The following NOTCH2NLC variants were observed in gnomAD, a reference collection of about 807,000 sequenced individuals.
NOTCH2NLC encodes notch homolog 2 N-terminal-like protein C.
In NOTCH2NLC, 4 loss-of-function variants were observed where a neutral mutation model predicts 17.7. The ratio of observed to expected loss-of-function variants is 0.23; its 90% CI spans 0.11 to 0.52. NOTCH2NLC has a LOEUF of 0.52. Ranked by LOEUF, NOTCH2NLC falls within the 20% of genes least tolerant of loss-of-function variation. The pLI, the probability that NOTCH2NLC is intolerant of heterozygous loss-of-function variation, is 0.96. For synonymous variants in NOTCH2NLC, 18 were observed against 86.0 expected (o/e 0.21, Z 4.38); for missense variants, 57 against 207.2 (o/e 0.28, Z 4.45).
chr1:149,462,025 T>C (rs1273522952), intron 3 of NOTCH2NLC, among the ~76,000 whole-genome samples: 5 of 134,236 alleles, frequency 3.7e-5, no homozygotes, highest in Admixed American at 7.5e-5. Flanking sequence ...GAGATGTACC[T>C]AATGTAAATG....
intron 1 of NOTCH2NLC, among the ~76,000 whole-genome samples, chr1:149,427,010 T>G (rs1327029340): frequency 6.7e-6 from 1 of 149,820 alleles, no homozygotes; most frequent in Non-Finnish European, 1.5e-5. Flanking sequence ...TTTTCTTTTT[T>G]AAAAATTAGA....
rs1407883531 is a variant in NOTCH2NLC, at chr1:149,413,682, T to G, written c.136-17260T>G. ...TTTGTTCCTGCTGAGTTCAGAGCTA[T>G]GTTCCTCATAGCCTGGCTTACCTGT... On this transcript the variant is annotated intron_variant, in intron 1 of 4. Coordinates refer to ENST00000650865, the MANE Select transcript of NOTCH2NLC (RefSeq NM_001364013.2). Among the ~76,000 whole-genome samples the G allele has an allele frequency of 3.3e-5, 5 of 151,304 alleles. 1 individual carries two copies. In the East Asian group the frequency reaches 7.8e-4, roughly 24 times the overall value.
intron 1 of NOTCH2NLC, among the ~76,000 whole-genome samples, chr1:149,413,212 G>T (rs2084309336): frequency 6.6e-6 from 1 of 150,902 alleles, no homozygotes; most frequent in Non-Finnish European, 1.5e-5. Context: ...CAGGCCAGAT[G>T]TCTGACTTTT....
At chr1:149,430,723 A>G (rs2084443885) in intron 1 of NOTCH2NLC, among the ~76,000 whole-genome samples, 1 of 150,630 alleles carries the variant, frequency 6.6e-6, no homozygotes. Context: ...TAAGAGCATC[A>G]TTGAAGACCA....
chr1:149,398,228 G>A (rs1295249154), intron 1 of NOTCH2NLC, among the ~76,000 whole-genome samples: 2 of 150,758 alleles, frequency 1.3e-5, no homozygotes, highest in Non-Finnish European at 3.0e-5. Flanking sequence ...TAATTTAGAA[G>A]TATTAGAACT....
chr1:149,437,673 C>T (rs2084490198), intron 2 of NOTCH2NLC, among the ~76,000 whole-genome samples: 1 of 148,644 alleles, frequency 6.7e-6, no homozygotes, highest in African/African-American at 2.4e-5. Flanking sequence ...CTGTGTTAGC[C>T]AGGATGGTCT....
intron 1 of NOTCH2NLC, among the ~76,000 whole-genome samples, chr1:149,430,440 A>C (rs2084441564): frequency 6.9e-6 from 1 of 144,534 alleles, no homozygotes; most frequent in Admixed American, 7.0e-5. Context: ...TAGGCTCTCA[A>C]TTTTAGTTTG....
chr1:149,444,742 T>TGTGTAC (rs1481217237), intron 2 of NOTCH2NLC, among the ~76,000 whole-genome samples: 7,573 of 143,988 alleles, frequency 0.053, 382 homozygotes, highest in Middle Eastern at 0.089. Flanking sequence ...TGTATGTGTG[T>TGTGTAC]GTGTACGTGT....
intron 2 of NOTCH2NLC, among the ~76,000 whole-genome samples, chr1:149,433,371 A>T (rs1163735808): frequency 6.8e-6 from 1 of 147,566 alleles, no homozygotes; most frequent in Non-Finnish European, 1.5e-5. Flanking sequence ...AGGTGCAGCA[A>T]ACCACCATGG....
At chr1:149,412,165 G>A (rs1158786230) in intron 1 of NOTCH2NLC, among the ~76,000 whole-genome samples, 8 of 148,476 alleles carry the variant, frequency 5.4e-5, no homozygotes, top group African/African-American at 2.0e-4. Flanking sequence ...TATTGGGCCT[G>A]TCTAATTGCA....
At chr1:149,417,398 G>A (rs2084342472) in intron 1 of NOTCH2NLC, among the ~76,000 whole-genome samples, 1 of 151,204 alleles carries the variant, frequency 6.6e-6, no homozygotes, top group African/African-American at 2.4e-5. Context: ...GTGAGCCACC[G>A]CGCCCGGCCG....
At position 149,463,644 on chromosome 1, in the gene NOTCH2NLC, GA is replaced by G; in HGVS notation, c.624del (p.His209ThrfsTer63). On this transcript the variant is annotated frameshift_variant, in exon 4 of 5. Transcript: ENST00000650865. LOFTEE classifies it high-confidence loss of function. ...GATGTCAATGAGTGTGACATTCCAGGACACTGCCAGCATGGTGGCACCTGCC... is the reference window on the plus strand; with the variant it reads ...GATGTCAATGAGTGTGACATTCCAGGCACTGCCAGCATGGTGGCACCTGCC... ...ETDVNECDIP[G>X]HCQHGGTCLN... The G allele has an allele frequency of 6.2e-6, 3 of 487,026 alleles. No individual in the cohort carries two copies. Among genetic ancestry groups the G allele is most frequent in the Non-Finnish European group, 1.1e-5 (3 of 283,932 alleles). The allele number at this position is 487,026 out of a possible 1,614,324, so 30.2% of individuals were successfully genotyped here.
intron 2 of NOTCH2NLC, among the ~76,000 whole-genome samples, chr1:149,438,924 C>T (rs1213811562): frequency 6.7e-6 from 1 of 148,352 alleles, no homozygotes; most frequent in Non-Finnish European, 1.5e-5. Context: ...ACATGTTGCT[C>T]AGGCTGGTCT....
chr1:149,468,958 CT>C lies in NOTCH2NLC; in HGVS notation c.*4829del, dbSNP rs1175539238. Among the ~76,000 whole-genome samples, 1,638 of 53,506 alleles carry C rather than the reference CT, an allele frequency of 0.031. 6 individuals are homozygous for C. The highest frequency in any genetic ancestry group is 0.1 in the African/African-American group (1,090 of 10,800). The allele number at this position is 53,506 out of a possible 152,430, so 35.1% of individuals were successfully genotyped here. On this transcript the variant is annotated 3_prime_UTR_variant, in exon 5 of 5. Coordinates refer to ENST00000650865, the MANE Select transcript of NOTCH2NLC (RefSeq NM_001364013.2). ...GGCATGTGTCATTTTCTTTTCTTTT[CT>C]TTTTTTTTTTTTTTTTTTTTTTTGA...
At chr1:149,417,240 G>T (rs2084341170) in intron 1 of NOTCH2NLC, among the ~76,000 whole-genome samples, 1 of 148,216 alleles carries the variant, frequency 6.7e-6, no homozygotes, top group Non-Finnish European at 1.5e-5. Context: ...CTCCCAAGTA[G>T]CTGGGATTAC....
intron 2 of NOTCH2NLC, among the ~76,000 whole-genome samples, chr1:149,449,580 G>C (rs1570918040): frequency 6.6e-6 from 1 of 150,606 alleles, no homozygotes; most frequent in African/African-American, 2.4e-5. Flanking sequence ...TTTTGTTCTA[G>C]AGGGTAGAGA....
intron 3 of NOTCH2NLC, among the ~76,000 whole-genome samples, chr1:149,461,607 G>A (rs2084650265): frequency 6.6e-6 from 1 of 151,216 alleles, no homozygotes; most frequent in Non-Finnish European, 1.5e-5. Flanking sequence ...ACAAATTCAA[G>A]GAGTTCTCGC....
At chr1:149,415,071 A>G (rs1469388543) in intron 1 of NOTCH2NLC, among the ~76,000 whole-genome samples, 16 of 99,808 alleles carry the variant, frequency 1.6e-4, no homozygotes, top group Non-Finnish European at 3.2e-4. Context: ...TCCCACCCAT[A>G]TGATGATTAG....
At chr1:149,416,723 T>C (rs1396675560) in intron 1 of NOTCH2NLC, among the ~76,000 whole-genome samples, 3 of 150,480 alleles carry the variant, frequency 2.0e-5, no homozygotes, top group Admixed American at 6.6e-5. Flanking sequence ...ATTTCAGTCA[T>C]AGGGTAGTTT....
Sources: gnomAD v4.1 joint callset for allele counts (sites outside exome capture counted in the v4.1 genomes callset) on GRCh38, gnomAD v4.1.1 for gene constraint, MANE v1.5 for transcripts, NCBI Gene and HGNC (gene_info 2026-07-23, HGNC 2026-07-21) for gene names.